Variants in DNAH9 observed in about 807,000 individuals in gnomAD.
DNAH9 encodes the protein dynein axonemal heavy chain 9.
In DNAH9, 345 loss-of-function variants were observed where a neutral mutation model predicts 471.6. That is an observed-to-expected ratio of 0.73 (90% CI 0.67 to 0.80). The LOEUF (loss-of-function observed/expected upper bound fraction) is 0.80. Ranked by LOEUF, DNAH9 falls within the 30% of genes least tolerant of loss-of-function variation. The probability of loss-of-function intolerance (pLI) is 0.00; values close to 1 mark genes in which losing one functional copy is unlikely to be tolerated. For synonymous variants in DNAH9, 2,093 were observed against 2,123.6 expected (o/e 0.99, Z 0.40); for missense variants, 5,407 against 5,609.2 (o/e 0.96, Z 1.15).
At chr17:11,829,332 T>C (rs1970610498) in intron 48 of DNAH9, among the ~76,000 whole-genome samples, 1 of 152,218 alleles carries the variant, frequency 6.6e-6, no homozygotes, top group Admixed American at 6.5e-5. Flanking sequence ...TAAATGAACA[T>C]TATAGCCTTA....
chr17:11,727,684 T>G, intron 27 of DNAH9, 134 bp from the exon 28 acceptor site: 1 of 632,384 alleles, frequency 1.6e-6, no homozygotes, highest in Middle Eastern at 2.6e-4. Flanking sequence ...TTCTTGAAAT[T>G]TTAATACAAG....
chr17:11,646,320 G>A (rs1269211460), intron 11 of DNAH9, among the ~76,000 whole-genome samples: 1 of 152,052 alleles, frequency 6.6e-6, no homozygotes, highest in South Asian at 2.1e-4. Context: ...TAGGATTGCA[G>A]TTGCTGCACT....
At chr17:11,860,921 G>C (rs1025608751) in intron 50 of DNAH9, among the ~76,000 whole-genome samples, 1 of 151,898 alleles carries the variant, frequency 6.6e-6, no homozygotes, top group Non-Finnish European at 1.5e-5. Flanking sequence ...TCAATGTCTT[G>C]TTCCTTTGTG....
rs760050053 is a variant in DNAH9, at chr17:11,886,886, C to G, written c.11033C>G (p.Ala3678Gly). Residue 3678 changes from alanine to glycine, a missense_variant, in exon 57 of 69, where the codon GCA becomes GGA. Coordinates refer to ENST00000262442, the MANE Select transcript of DNAH9 (RefSeq NM_001372.4). ...INEAREHYRP[A>G]AARASLLYFI... Reference sequence around the variant, plus strand: ...GAGGCCCGAGAGCACTACCGGCCAGCAGCTGCCAGGGCCTCACTGCTCTAC... The same window carrying G: ...GAGGCCCGAGAGCACTACCGGCCAGGAGCTGCCAGGGCCTCACTGCTCTAC... 7 of 1,612,986 alleles carry G rather than the reference C, an allele frequency of 4.3e-6. No homozygotes were observed. Among genetic ancestry groups the G allele is most frequent in the Non-Finnish European group, 5.9e-6 (7 of 1,179,506 alleles).
chr17:11,662,842 G>A (rs1030385184), intron 14 of DNAH9, among the ~76,000 whole-genome samples: 36 of 125,946 alleles, frequency 2.9e-4, no homozygotes, highest in South Asian at 8.4e-4. Context: ...TGCAAGCTCC[G>A]CCTCCCGGGT....
At chr17:11,921,666 A>T (rs1344781159) in intron 61 of DNAH9, among the ~76,000 whole-genome samples, 1 of 152,200 alleles carries the variant, frequency 6.6e-6, no homozygotes, top group Non-Finnish European at 1.5e-5. Flanking sequence ...CTCCGCACCC[A>T]TGAGGCTCAC....
chr17:11,643,187 G>A (rs2073310612), intron 10 of DNAH9, among the ~76,000 whole-genome samples: 2 of 152,268 alleles, frequency 1.3e-5, no homozygotes, highest in African/African-American at 2.4e-5. Context: ...GAGGGTAACC[G>A]TACCTCGAGC....
At chr17:11,747,476 C>T in intron 31 of DNAH9, 80 bp from the exon 32 acceptor site, 1 of 1,140,526 alleles carries the variant, frequency 8.8e-7, no homozygotes, top group Non-Finnish European at 1.3e-6. Flanking sequence ...CTTCAGACAC[C>T]AGCTGGGGTC....
intron 28 of DNAH9, among the ~76,000 whole-genome samples, chr17:11,729,964 T>C (rs1215281346): frequency 6.6e-6 from 1 of 152,226 alleles, no homozygotes; most frequent in Non-Finnish European, 1.5e-5. Flanking sequence ...GACACTCTGC[T>C]GGGTCCCTTC....
At chr17:11,773,440 G>C (rs1445008819) in intron 38 of DNAH9, among the ~76,000 whole-genome samples, 2 of 152,068 alleles carry the variant, frequency 1.3e-5, no homozygotes, top group Non-Finnish European at 2.9e-5. Flanking sequence ...CCAAAATTTT[G>C]TTGAGTGAGA....
chr17:11,749,922 C>T lies in DNAH9; in HGVS notation c.6610+2156C>T, dbSNP rs1038063730. Among the ~76,000 whole-genome samples the T allele has an allele frequency of 2.0e-4, 30 of 152,274 alleles. 1 individual carries two copies. Among genetic ancestry groups the T allele is most frequent in the African/African-American group, 7.0e-4 (29 of 41,562 alleles). ...ATATCCAATGAGGTAAGTCCCTCCT[C>T]AGTAATCTTTTGTAATTTTATTGTC... On this transcript the variant is annotated intron_variant, in intron 32 of 68. Coordinates refer to ENST00000262442, the MANE Select transcript of DNAH9 (RefSeq NM_001372.4).
intron 8 of DNAH9, 152 bp downstream of exon 8, chr17:11,632,855 T>C (rs1381594710): frequency 1.0e-5 from 5 of 483,150 alleles, no homozygotes; most frequent in Non-Finnish European, 1.9e-5. Context: ...ATCCTTCTTA[T>C]ATCAAGAAAG....
In DNAH9 at chr17:11,854,426, G is replaced by C. The variant is rs139176958; in HGVS notation, c.9931G>C (p.Ala3311Pro). 6.2e-7 allele frequency: 1 copy of C among 1,610,130 alleles called. No individual in the cohort carries two copies. Among genetic ancestry groups the C allele is most frequent in the South Asian group, 1.1e-5 (1 of 90,596 alleles). The change falls in exon 50 of 69, where the codon GCT becomes CCT. Residue 3311 changes from alanine to proline, a missense_variant and splice_region_variant. Ala to Pro is a conservative substitution (Grantham distance 27). This residue lies in a region of DNAH9 where 4,636 missense variants were observed against 4,900.3 expected (regional missense o/e 0.95). Transcript: ENST00000262442. ...EKLAAIKAKIAHLNENLAKLT... is the reference protein window; with the variant it reads ...EKLAAIKAKIPHLNENLAKLT... ...GCTGGCTGCCATCAAAGCCAAGATC[G>C]CTGTGAGTGACCCCAGAGCCCCTCA... is the stretch of plus-strand genomic sequence containing the variant.
At chr17:11,919,505 GAAAAA>G (rs1221694573) in intron 61 of DNAH9, among the ~76,000 whole-genome samples, 3 of 100,296 alleles carry the variant, frequency 3.0e-5, no homozygotes, top group Admixed American at 2.1e-4. Context: ...AAAAAAAAAA[GAAAAA>G]AAAAAAAAAA....
chr17:11,747,733 A>G lies in DNAH9; in HGVS notation c.6577A>G (p.Ile2193Val), dbSNP rs142544308. Residue 2193 changes from isoleucine (I) to valine (V), a missense_variant, in exon 32 of 69, where the codon ATC becomes GTC. This residue lies in a region of DNAH9 where 4,636 missense variants were observed against 4,900.3 expected (regional missense o/e 0.95). Coordinates refer to ENST00000262442, the MANE Select transcript of DNAH9 (RefSeq NM_001372.4). ...AGTCACAAATGATGAGCTCTTTGGC[A>G]TCATCAATCCAGCCACAGGAGAATG... ...KAVTNDELFGIINPATGEWKD... is the reference protein window; with the variant it reads ...KAVTNDELFGVINPATGEWKD... The G allele has an allele frequency of 4.5e-5, 73 of 1,614,100 alleles. No homozygotes were observed. The African/African-American group carries it at 6.4e-4, about 14-fold the overall frequency.
chr17:11,669,208 T>C lies in DNAH9; in HGVS notation c.2876T>C (p.Ile959Thr). 6.2e-7 allele frequency: 1 copy of C among 1,614,086 alleles called. No individual in the cohort carries two copies. Among genetic ancestry groups the C allele is most frequent in the East Asian group, 2.2e-5 (1 of 44,862 alleles). Residue 959 changes from isoleucine to threonine, a missense_variant, in exon 16 of 69, where the codon ATA becomes ACA. Around this residue, in one of 3 missense-constraint regions of DNAH9, gnomAD observed 4,636 missense variants for 4,900.3 expected, o/e 0.95. Coordinates refer to ENST00000262442, the MANE Select transcript of DNAH9 (RefSeq NM_001372.4). ...VEGLITSIFR[I>T]PSLVPRLSPQ... Reference sequence around the variant, plus strand: ...GGTCTCATCACCAGCATTTTTAGGATACCATCTCTGGTGCCACGGCTTTCC... The same window carrying C: ...GGTCTCATCACCAGCATTTTTAGGACACCATCTCTGGTGCCACGGCTTTCC...
At position 11,705,093 on chromosome 17, in the gene DNAH9, CTGCTT is replaced by C; in HGVS notation, c.5464_5468del (p.Phe1822GlnfsTer4). On this transcript the variant is annotated frameshift_variant, in exon 26 of 69. Coordinates refer to ENST00000262442, the MANE Select transcript of DNAH9 (RefSeq NM_001372.4). LOFTEE classifies it high-confidence loss of function. The stretch of plus-strand genomic sequence containing the variant: ...ATCGTTGGGATGACGAGGTCAAACA[CTGCTT>C]TGCCAACATCTGTGATGCCCAGTTT... The C allele has an allele frequency of 6.2e-7, 1 of 1,614,166 alleles. No individual in the cohort carries two copies. The highest frequency in any genetic ancestry group is 8.5e-7 in the Non-Finnish European group (1 of 1,179,956).
intron 28 of DNAH9, among the ~76,000 whole-genome samples, chr17:11,731,460 T>C (rs915077649): frequency 1.3e-5 from 2 of 151,948 alleles, no homozygotes; most frequent in African/African-American, 2.4e-5. Flanking sequence ...GCAGGTTTGT[T>C]ACATATGTAT....
At chr17:11,776,258 A>C (rs1346678131) in intron 38 of DNAH9, among the ~76,000 whole-genome samples, 1 of 151,978 alleles carries the variant, frequency 6.6e-6, no homozygotes, top group Non-Finnish European at 1.5e-5. Flanking sequence ...TATCAGGTTA[A>C]TGACAGTGAT....
Sources: allele counts gnomAD v4.1 joint callset (sites outside exome capture counted in the v4.1 genomes callset), GRCh38; gene constraint gnomAD v4.1.1; regional missense constraint gnomAD v4.1.1; transcripts MANE v1.5; gene names NCBI Gene and HGNC (gene_info 2026-07-23, HGNC 2026-07-21).